The following ERC2 variants were observed in gnomAD, a reference collection of about 807,000 sequenced individuals.
ERC2 encodes ERC protein 2.
Under a neutral mutation model 114.8 loss-of-function variants are expected in ERC2, and 42 were observed. The ratio of observed to expected loss-of-function variants is 0.37; its 90% CI spans 0.29 to 0.47. The LOEUF (loss-of-function observed/expected upper bound fraction) is 0.47. ERC2 is among the 20% of genes least tolerant of loss of function. The probability of loss-of-function intolerance (pLI) is 0.99; values close to 1 mark genes in which losing one functional copy is unlikely to be tolerated. For synonymous variants in ERC2, 454 were observed against 425.5 expected (o/e 1.07, Z -0.82); for missense variants, 939 against 1,150.7 (o/e 0.82, Z 2.66).
At chr3:56,388,073 T>A (rs1327725645) in intron 2 of ERC2, among the ~76,000 whole-genome samples, 2 of 152,118 alleles carry the variant, frequency 1.3e-5, no homozygotes, top group African/African-American at 4.8e-5. Flanking sequence ...AAATCCTAAC[T>A]CATCATTTTC....
chr3:55,872,345 T>G (rs116384407), intron 14 of ERC2, among the ~76,000 whole-genome samples: 5 of 152,164 alleles, frequency 3.3e-5, no homozygotes, highest in Non-Finnish European at 7.4e-5. Flanking sequence ...CAGGCTTCCA[T>G]GCAGGCTTCT....
intron 17 of ERC2, among the ~76,000 whole-genome samples, chr3:55,621,721 A>C (rs932476426): frequency 2.6e-5 from 4 of 152,170 alleles, no homozygotes; most frequent in African/African-American, 9.7e-5. Context: ...ATTCCTTGGG[A>C]AAAAGAATTC....
intron 17 of ERC2, among the ~76,000 whole-genome samples, chr3:55,669,298 G>T (rs1475000342): frequency 6.6e-6 from 1 of 152,134 alleles, no homozygotes; most frequent in Non-Finnish European, 1.5e-5. Context: ...GAAACACAAA[G>T]AACCCATAAT....
chr3:55,902,500 A>G (rs2064192337), intron 13 of ERC2, among the ~76,000 whole-genome samples: 1 of 152,190 alleles, frequency 6.6e-6, no homozygotes. Context: ...CCCACGTACA[A>G]AGCGGCTGGT....
intron 17 of ERC2, among the ~76,000 whole-genome samples, chr3:55,597,288 C>T (rs1360469767): frequency 6.6e-6 from 1 of 151,988 alleles, no homozygotes; most frequent in African/African-American, 2.4e-5. Flanking sequence ...GGTGTGGTGG[C>T]AGGTGCCTAT....
chr3:55,565,689 G>C (rs2056322204), intron 17 of ERC2, among the ~76,000 whole-genome samples: 1 of 152,196 alleles, frequency 6.6e-6, no homozygotes, highest in African/African-American at 2.4e-5. Context: ...GCCCAGGCTT[G>C]GCCGTAAGTC....
At chr3:56,330,441 T>C (rs973117124) in intron 2 of ERC2, among the ~76,000 whole-genome samples, 1 of 152,192 alleles carries the variant, frequency 6.6e-6, no homozygotes, top group Non-Finnish European at 1.5e-5. Context: ...AGGAGGATGC[T>C]AAACATTGGT....
intron 17 of ERC2, among the ~76,000 whole-genome samples, chr3:55,549,644 C>A (rs1337056705): frequency 6.6e-6 from 1 of 151,830 alleles, no homozygotes; most frequent in Non-Finnish European, 1.5e-5. Flanking sequence ...ATGATTGGGT[C>A]AAGGTGCCAG....
In ERC2 at chr3:55,912,361, C is replaced by T. The variant is rs1331288228; in HGVS notation, c.2404-23812G>A. ...AATCAACCCATCATTTTATAGGGAA[C>T]ATAGTAGCATTCATTTGATAACATC... On this transcript the variant is annotated intron_variant, in intron 13 of 17. Coordinates refer to ENST00000288221, the MANE Select transcript of ERC2 (RefSeq NM_015576.3). 1.3e-5 allele frequency among the ~76,000 whole-genome samples: 2 copies of T among 152,110 alleles called. 1 individual carries two copies. The highest frequency in any genetic ancestry group is 1.3e-4 in the Admixed American group (2 of 15,286).
intron 17 of ERC2, among the ~76,000 whole-genome samples, chr3:55,609,349 G>T (rs543723371): frequency 1.3e-5 from 2 of 152,328 alleles, no homozygotes; most frequent in East Asian, 1.9e-4. Flanking sequence ...CCTAGCCACA[G>T]CATTGGTTCA....
chr3:55,675,159 G>T (rs973167911), intron 17 of ERC2, among the ~76,000 whole-genome samples: 2 of 152,226 alleles, frequency 1.3e-5, no homozygotes, highest in African/African-American at 4.8e-5. Flanking sequence ...CTCAGTTGCT[G>T]TGTGCTGTTG....
intron 15 of ERC2, among the ~76,000 whole-genome samples, chr3:55,702,351 G>A (rs548322777): frequency 6.6e-6 from 1 of 152,172 alleles, no homozygotes; most frequent in South Asian, 2.1e-4. Flanking sequence ...GAAGAGAAGA[G>A]TGTGAAACAG....
chr3:55,750,073 G>A (rs927107170), intron 14 of ERC2, among the ~76,000 whole-genome samples: 1 of 152,174 alleles, frequency 6.6e-6, no homozygotes, highest in East Asian at 1.9e-4. Context: ...CATTTTCAAA[G>A]AGAATTTACT....
intron 13 of ERC2, among the ~76,000 whole-genome samples, chr3:55,948,572 G>A (rs1344127690): frequency 6.6e-6 from 1 of 152,088 alleles, no homozygotes; most frequent in East Asian, 1.9e-4. Context: ...ACTTTTTATT[G>A]CATTTCAAAT....
chr3:55,667,578 G>A (rs1302525073), intron 17 of ERC2, among the ~76,000 whole-genome samples: 1 of 152,192 alleles, frequency 6.6e-6, no homozygotes, highest in Non-Finnish European at 1.5e-5. Flanking sequence ...GTGCAGCTGA[G>A]AATCAGCTAT....
At chr3:56,083,392 G>A (rs998604359) in intron 6 of ERC2, among the ~76,000 whole-genome samples, 2 of 152,194 alleles carry the variant, frequency 1.3e-5, no homozygotes, top group African/African-American at 4.8e-5. Context: ...GTTGCCTGGG[G>A]TGGAAGCTGG....
At chr3:55,903,443 C>T (rs1308501404) in intron 13 of ERC2, among the ~76,000 whole-genome samples, 1 of 152,166 alleles carries the variant, frequency 6.6e-6, no homozygotes, top group African/African-American at 2.4e-5. Context: ...CTGATTGCTT[C>T]AGCTGGGACT....
At chr3:56,007,119 C>T (rs779525027) in intron 10 of ERC2, 62 bp downstream of exon 10, 2 of 1,449,070 alleles carry the variant, frequency 1.4e-6, no homozygotes, top group Non-Finnish European at 1.8e-6. Flanking sequence ...ACGTCTCTTC[C>T]TGTTCCATTT....
intron 17 of ERC2, among the ~76,000 whole-genome samples, chr3:55,618,943 C>A (rs1010176748): frequency 1.3e-5 from 2 of 152,162 alleles, no homozygotes; most frequent in Non-Finnish European, 2.9e-5. Flanking sequence ...TGGATTTGGT[C>A]TTGCCTTATC....
Sources: allele counts gnomAD v4.1 joint callset (sites outside exome capture counted in the v4.1 genomes callset), GRCh38; gene constraint gnomAD v4.1.1; transcripts MANE v1.5; gene names NCBI Gene and HGNC (gene_info 2026-07-23, HGNC 2026-07-21).